The following PLEKHA8 variants were observed in gnomAD, a reference collection of about 807,000 sequenced individuals.
PLEKHA8 encodes the protein pleckstrin homology domain-containing family A member 8.
PLEKHA8 carries 36 observed loss-of-function variants against 68.2 expected under a neutral mutation model. The observed-to-expected ratio is 0.53, with a 90% confidence interval of 0.40 to 0.70. PLEKHA8 has a LOEUF of 0.70. Ranked by LOEUF, PLEKHA8 falls within the 30% of genes least tolerant of loss-of-function variation. The pLI, the probability that PLEKHA8 is intolerant of heterozygous loss-of-function variation, is 0.00. For synonymous variants in PLEKHA8, 211 were observed against 216.1 expected, an observed-to-expected ratio of 0.98 and a Z score of 0.20; for missense variants, 505 against 615.4, an observed-to-expected ratio of 0.82 and a Z score of 1.90.
At chr7:30,070,427 G>A (rs1334584684) in intron 12 of PLEKHA8, among the ~76,000 whole-genome samples, 4 of 151,944 alleles carry the variant, frequency 2.6e-5, no homozygotes, top group Non-Finnish European at 5.9e-5. Context: ...TTGTCTTTTT[G>A]CTGTCTTTTA....
downstream of PLEKHA8, among the ~76,000 whole-genome samples, chr7:30,085,377 T>C (rs923320687): frequency 6.6e-6 from 1 of 152,226 alleles, no homozygotes; most frequent in Non-Finnish European, 1.5e-5. Flanking sequence ...GGTAGCTATG[T>C]TCTTTGGCTT....
intron 1 of PLEKHA8, among the ~76,000 whole-genome samples, chr7:30,031,501 A>T (rs1221473146): frequency 6.6e-6 from 1 of 152,168 alleles, no homozygotes; most frequent in African/African-American, 2.4e-5. Context: ...GAGGAAAGGA[A>T]AGAGGACCCA....
At chr7:30,041,538 G>C (rs959555515) in intron 1 of PLEKHA8, among the ~76,000 whole-genome samples, 1 of 151,156 alleles carries the variant, frequency 6.6e-6, no homozygotes, top group Non-Finnish European at 1.5e-5. Context: ...TCCTGCCTCA[G>C]GTGCATCACC....
rs1183874812 is a variant in PLEKHA8 at position 30,079,944 on chromosome 7, A to G, written c.*1157A>G. 7.1e-6 allele frequency: 7 copies of G among 984,644 alleles called. No individual in the cohort carries two copies. In the African/African-American group the frequency reaches 1.2e-4, roughly 17 times the overall value. 61.0% of individuals were successfully genotyped at this position (984,644 alleles called of 1,614,324 possible). A position where few individuals can be genotyped will look rare whatever the true frequency, so the allele number is the denominator to read the frequency against. On this transcript the variant is annotated 3_prime_UTR_variant, in exon 14 of 14. Coordinates refer to ENST00000449726, the MANE Select transcript of PLEKHA8 (RefSeq NM_001197026.2). ...GATAAGGCTGCTATTTAAATAAAAT[A>G]GCTAAATGGAGAGTGAGAAGTGGAG...
chr7:30,047,073 C>T (rs1792017171), intron 3 of PLEKHA8, among the ~76,000 whole-genome samples: 2 of 152,190 alleles, frequency 1.3e-5, no homozygotes, highest in Non-Finnish European at 2.9e-5. Flanking sequence ...AAAAGTGTTC[C>T]AGGGAACATC....
chr7:30,046,401 G>T, intron 3 of PLEKHA8, 36 bp downstream of exon 3: 1 of 1,526,004 alleles, frequency 6.6e-7, no homozygotes, highest in South Asian at 1.3e-5. Context: ...GGAAACCTTG[G>T]GAATCACCCA....
intron 5 of PLEKHA8, 94 bp downstream of exon 5, chr7:30,049,476 A>T (rs1013033281): frequency 1.4e-6 from 2 of 1,455,052 alleles, no homozygotes; most frequent in African/African-American, 2.9e-5. Context: ...TTAGTGACTT[A>T]TAAAGACAGT....
At chr7:30,098,862 C>T (rs879478758) in intron 13 of PLEKHA8, among the ~76,000 whole-genome samples, 5 of 152,210 alleles carry the variant, frequency 3.3e-5, no homozygotes, top group Non-Finnish European at 7.3e-5. Context: ...GAGATAAACC[C>T]GGTACCTCAG....
chr7:30,100,614 A>G (rs1361835405), intron 13 of PLEKHA8, among the ~76,000 whole-genome samples: 1 of 152,138 alleles, frequency 6.6e-6, no homozygotes, highest in African/African-American at 2.4e-5. Flanking sequence ...AAATAATAAC[A>G]CTAGATATCA....
intron 1 of PLEKHA8, among the ~76,000 whole-genome samples, chr7:30,036,458 AGATAGATT>A (rs1791106680): frequency 6.9e-6 from 1 of 145,774 alleles, no homozygotes; most frequent in African/African-American, 2.5e-5. Context: ...ATAGATAGAT[AGATAGATT>A]AGATAGAGAA....
At chr7:30,115,049 AAGCC>A (rs1330123976) in intron 13 of PLEKHA8, among the ~76,000 whole-genome samples, 2 of 152,156 alleles carry the variant, frequency 1.3e-5, no homozygotes, top group African/African-American at 2.4e-5. Context: ...TTTTTTAACT[AAGCC>A]CAGCTGTGGC....
rs528684571 is a variant in PLEKHA8 at position 30,033,509 on chromosome 7, C to T, written c.40+4707C>T. On this transcript the variant is annotated intron_variant, in intron 1 of 13. Coordinates refer to ENST00000449726, the MANE Select transcript of PLEKHA8 (RefSeq NM_001197026.2). The stretch of plus-strand genomic sequence containing the variant: ...ATAATATTTCATTGTATATGTATAC[C>T]ATATTTAGTTTATCCATTTTCAGTT... 2.6e-5 allele frequency among the ~76,000 whole-genome samples: 4 copies of T among 152,090 alleles called. 1 individual carries two copies. The South Asian group carries it at 6.2e-4, about 24-fold the overall frequency.
intron 13 of PLEKHA8, among the ~76,000 whole-genome samples, chr7:30,075,724 G>C (rs1794572112): frequency 6.6e-6 from 1 of 152,130 alleles, no homozygotes; most frequent in South Asian, 2.1e-4. Flanking sequence ...AACAAGTGTG[G>C]GGGGAAGGGT....
downstream of PLEKHA8, among the ~76,000 whole-genome samples, chr7:30,085,374 A>G (rs765110519): frequency 2.0e-5 from 3 of 152,168 alleles, no homozygotes; most frequent in East Asian, 1.9e-4. Context: ...AGAGGTAGCT[A>G]TGTTCTTTGG....
chr7:30,049,104 C>G (rs1319721028), intron 4 of PLEKHA8, 120 bp from the exon 5 acceptor site: 1 of 1,169,824 alleles, frequency 8.5e-7, no homozygotes, highest in Non-Finnish European at 1.3e-6. Context: ...AACTGATGTA[C>G]ATATTTCAGC....
intron 1 of PLEKHA8, among the ~76,000 whole-genome samples, chr7:30,041,970 T>C (rs1791575951): frequency 6.6e-6 from 1 of 152,194 alleles, no homozygotes; most frequent in Admixed American, 6.5e-5. Flanking sequence ...TTTATTCTGG[T>C]TGGATCTGTA....
rs540635004 is a variant in PLEKHA8, at chr7:30,081,752, A to G, written c.*2965A>G. The G allele has an allele frequency of 2.2e-5, 22 of 985,422 alleles. No homozygotes were observed. In the South Asian group the frequency reaches 9.9e-4, roughly 44 times the overall value. The allele number at this position is 985,422 out of a possible 1,614,324, so 61.0% of individuals were successfully genotyped here. A position where few individuals can be genotyped will look rare whatever the true frequency, so the allele number is the denominator to read the frequency against. On this transcript the variant is annotated 3_prime_UTR_variant, in exon 14 of 14. Transcript: ENST00000449726. ...GAAATTGGTCTACTAGGTATTGTAG[A>G]CACAAATAAGTAACATTAGGCTAAC...
At position 30,097,150 on chromosome 7, in the gene PLEKHA8, C is replaced by T. The variant is rs189881635; in HGVS notation, c.1362+23018C>T. On this transcript the variant is annotated intron_variant, in intron 13 of 13. Transcript: ENST00000396257. ...TCTTTTCTTTAAGAATGTTGAATAT[C>T]GGCCCCCACTCTCTTCTGGCTTGTA... Among the ~76,000 whole-genome samples, 413 of 152,226 alleles carry T rather than the reference C, an allele frequency of 2.7e-3. 1 individual carries two copies. The highest frequency in any genetic ancestry group is 5.6e-3 in the African/African-American group (231 of 41,550).
chr7:30,096,893 G>A (rs888852467), intron 13 of PLEKHA8, among the ~76,000 whole-genome samples: 6 of 152,130 alleles, frequency 3.9e-5, no homozygotes, highest in African/African-American at 4.8e-5. Context: ...TATTTTGCTC[G>A]TTAGTTGATG....
Sources: allele counts gnomAD v4.1 joint callset (sites outside exome capture counted in the v4.1 genomes callset), GRCh38; gene constraint gnomAD v4.1.1; transcripts MANE v1.5; gene names NCBI Gene and HGNC (gene_info 2026-07-23, HGNC 2026-07-21).